Variants in CDHR4 observed in about 807,000 individuals in gnomAD.
The protein encoded by CDHR4 is cadherin-related family member 4.
A neutral mutation model predicts 88.4 loss-of-function variants in CDHR4; 89 were observed. The observed-to-expected ratio is 1.01, with a 90% confidence interval of 0.85 to 1.20. The LOEUF (loss-of-function observed/expected upper bound fraction) is 1.20, where lower values mean the gene tolerates loss of function less well. Among genes scored for constraint, CDHR4 ranks in the 50% most tolerant of loss-of-function variants. The pLI is 0.00. For missense variants in CDHR4, 914 were observed against 1,007.2 expected, an observed-to-expected ratio of 0.91 and a Z score of 1.25; for synonymous variants, 368 against 399.2, an observed-to-expected ratio of 0.92 and a Z score of 0.93.
chr3:49,795,552 A>G lies in CDHR4; in HGVS notation c.847+76T>C. 6.5e-7 allele frequency: 1 copy of G among 1,531,766 alleles called. No individual in the cohort carries two copies. Among genetic ancestry groups the G allele is most frequent in the Non-Finnish European group, 8.8e-7 (1 of 1,134,484 alleles). 94.9% of individuals were successfully genotyped at this position (1,531,766 alleles called of 1,614,324 possible). On this transcript the variant is annotated intron_variant, in intron 7 of 18. Transcript: ENST00000412678. This position sits in a 1 kb window ranked among gnomAD's most constrained non-coding sequence, Gnocchi z 5.4. ...ACCAGGCCCCCAAACAGGAAGGTGAAGAGGTACTATGGGTCACCTCTGGAC... is the reference window on the plus strand; with the variant it reads ...ACCAGGCCCCCAAACAGGAAGGTGAGGAGGTACTATGGGTCACCTCTGGAC...
chr3:49,794,795 C>A, intron 9 of CDHR4, 94 bp from the exon 10 acceptor site: 1 of 1,424,762 alleles, frequency 7.0e-7, no homozygotes, highest in South Asian at 1.3e-5. Flanking sequence ...CCACAAATAT[C>A]TTGCCTGGAT....
chr3:49,792,440 G>A, intron 15 of CDHR4, 28 bp downstream of exon 15: 1 of 1,550,742 alleles, frequency 6.4e-7, no homozygotes, highest in South Asian at 1.2e-5. Flanking sequence ...TTGGGGGCAA[G>A]TAGGGAGCAC....
At position 49,795,977 on chromosome 3, in the gene CDHR4, C is replaced by T. The variant is rs190355878; in HGVS notation, c.676G>A (p.Val226Ile). Residue 226 changes from valine to isoleucine, a missense_variant, in exon 6 of 19, where the codon GTT (valine) becomes ATT (isoleucine). Val to Ile is a conservative substitution (Grantham distance 29, BLOSUM62 3). Transcript: ENST00000412678. The surrounding 1 kb of genome is among the most constrained non-coding windows in gnomAD (Gnocchi z 5.4). ...ACCTGGCTGGAGGGAACAGGCAAAA[C>T]CTTCACTATCACCATCCCTTGGCAG... is the stretch of plus-strand genomic sequence containing the variant. ...QSCQGMVIVK[V>I]LPVPSSQVSF... 8 of 1,545,362 alleles carry T rather than the reference C, an allele frequency of 5.2e-6. No homozygotes were observed. Among genetic ancestry groups the T allele is most frequent in the East Asian group, 2.4e-5 (1 of 40,906 alleles).
upstream of CDHR4, among the ~76,000 whole-genome samples, chr3:49,802,332 C>A (rs896182652): frequency 4.6e-5 from 7 of 152,148 alleles, no homozygotes; most frequent in African/African-American, 1.7e-4. Flanking sequence ...CGCCACCACG[C>A]CCGGCTAATT....
At position 49,799,418 on chromosome 3, in the gene CDHR4, G is replaced by C; in HGVS notation, c.69C>G (p.Cys23Trp). The change falls in exon 2 of 19, where the codon TGC (cysteine) becomes TGG (tryptophan). Residue 23 changes from cysteine to tryptophan, a missense_variant. Cys to Trp is a radical substitution (Grantham distance 215). Coordinates refer to ENST00000412678, the MANE Select transcript of CDHR4 (RefSeq NM_001007540.4). ...CCTGGCTCTCAGAGACATTTATAAA[G>C]CAGGGCAGGCTGCAGAGGTCTGTGA... is the stretch of plus-strand genomic sequence containing the variant. Reference protein sequence around the residue: ...PVVSDLCSLPCFINVSESQGP... With the variant: ...PVVSDLCSLPWFINVSESQGP... The C allele has an allele frequency of 6.2e-7, 1 of 1,602,390 alleles. No individual in the cohort carries two copies. The highest frequency in any genetic ancestry group is 8.5e-7 in the Non-Finnish European group (1 of 1,174,710).
rs1266329747 is a variant in CDHR4 at position 49,793,691 on chromosome 3, A to G, written c.1515T>C (p.Tyr505=). The part of the protein sequence containing the change: ...GEVHLLGPLD[Y]EQQRLYRLTV... ...TGAGCCTGTACAGCCTCTGCTGCTC[A>G]TAGTCCAAAGGTCCCAGGAGGTGAA... is the stretch of plus-strand genomic sequence containing the variant. The change falls in exon 12 of 19, where the codon TAT becomes TAC. Residue 505 remains tyrosine (Y), a synonymous_variant. Coordinates refer to ENST00000412678, the MANE Select transcript of CDHR4 (RefSeq NM_001007540.4). 1.0e-5 allele frequency: 16 copies of G among 1,551,644 alleles called. No individual in the cohort carries two copies. The Middle Eastern group carries it at 5.0e-4, about 48-fold the overall frequency.
rs1306635065 is a variant in CDHR4 at position 49,793,849 on chromosome 3, G to C, written c.1437C>G (p.Tyr479Ter). 1 of 1,551,784 alleles carries C rather than the reference G, an allele frequency of 6.4e-7. No individual in the cohort carries two copies. Among genetic ancestry groups the C allele is most frequent in the Non-Finnish European group, 8.7e-7 (1 of 1,146,996 alleles). ...AGGTGGTAGGACCACCAGAGGTGTAGTACTCAATGTTGTCATGAGGGTAAT... is the reference window on the plus strand; with the variant it reads ...AGGTGGTAGGACCACCAGAGGTGTACTACTCAATGTTGTCATGAGGGTAAT... ...DMDYPHDNIE[Y>*]YTSGGPTTFA... The change falls in exon 11 of 19, where the codon TAC becomes TAG. Residue 479 changes from tyrosine (Y) to a stop codon, truncating the protein, a stop_gained. Transcript: ENST00000412678. LOFTEE classifies it high-confidence loss of function.
rs745509032 is a variant in CDHR4 at position 49,798,809 on chromosome 3, C to G, written c.495+17G>C. ...CACCCCCATCCTGTCACCCACCGTC[C>G]CATGTTCTGGGCTTACCTGCGCTCC... On this transcript the variant is annotated intron_variant, in intron 4 of 18. Transcript: ENST00000412678. The G allele has an allele frequency of 6.2e-7, 1 of 1,611,648 alleles. No homozygotes were observed. The highest frequency in any genetic ancestry group is 1.1e-5 in the South Asian group (1 of 90,946).
chr3:49,799,639 G>A, intron 1 of CDHR4, 125 bp downstream of exon 1: 1 of 1,131,602 alleles, frequency 8.8e-7, no homozygotes, highest in South Asian at 1.5e-5. Context: ...AGGGGTGAGG[G>A]CCAGGGGTTC....
In CDHR4 at chr3:49,799,256, A is replaced by T; in HGVS notation, c.231T>A (p.Tyr77Ter). Reference protein sequence around the residue: ...PPSLARWQGTYVGKLTLSSSA... With the variant: ...PPSLARWQGT ...GTACACATGACCCTACCTTGCCCAC[A>T]TAGGTCCCTTGCCACCTGGCCAAGC... Residue 77 changes from tyrosine (Y) to a stop codon, truncating the protein, a stop_gained, in exon 2 of 19, where the codon TAT (tyrosine) becomes TAA (stop). Coordinates refer to ENST00000412678, the MANE Select transcript of CDHR4 (RefSeq NM_001007540.4). LOFTEE classifies it high-confidence loss of function. The T allele has an allele frequency of 6.2e-7, 1 of 1,613,690 alleles. No homozygotes were observed.
Position 49,795,103 on chromosome 3 carries a change from G to A in CDHR4, c.1032-3C>T. 1 of 1,551,696 alleles carries A rather than the reference G, an allele frequency of 6.4e-7. No homozygotes were observed. Among genetic ancestry groups the A allele is most frequent in the Non-Finnish European group, 8.7e-7 (1 of 1,146,992 alleles). On this transcript the variant is annotated splice_polypyrimidine_tract_variant and splice_region_variant and intron_variant, in intron 8 of 18. Coordinates refer to ENST00000412678, the MANE Select transcript of CDHR4 (RefSeq NM_001007540.4). The surrounding 1 kb of genome is among the most constrained non-coding windows in gnomAD (Gnocchi z 5.4). ...GTGCAGTCTCCGGGATTTGGGACCT[G>A]AGAGTATGCAGTGGCAGCAAGGCAG... is the stretch of plus-strand genomic sequence containing the variant.
intron 9 of CDHR4, 114 bp downstream of exon 9, chr3:49,794,833 G>A (rs1287300041): frequency 3.4e-6 from 5 of 1,453,402 alleles, no homozygotes; most frequent in Non-Finnish European, 4.7e-6. Flanking sequence ...AACACAGGTT[G>A]GCTCGACAGC....
Position 49,797,728 on chromosome 3 carries a change from C to T in CDHR4, c.496-696G>A, listed in dbSNP as rs145380553. 1.8e-4 allele frequency among the ~76,000 whole-genome samples: 28 copies of T among 151,964 alleles called. 1 individual carries two copies. The East Asian group carries it at 3.9e-3, about 21-fold the overall frequency. On this transcript the variant is annotated intron_variant, in intron 4 of 18. Coordinates refer to ENST00000412678, the MANE Select transcript of CDHR4 (RefSeq NM_001007540.4). Reference sequence around the variant, plus strand: ...AACTCCTGACCTCCAGTGATCCACCCGCCTCGGCCTCCCAAAATGCGGGAT... The same window carrying T: ...AACTCCTGACCTCCAGTGATCCACCTGCCTCGGCCTCCCAAAATGCGGGAT...
Position 49,795,494 on chromosome 3 carries a change from G to C in CDHR4, c.848-115C>G. 6.7e-7 allele frequency: 1 copy of C among 1,483,658 alleles called. No homozygotes were observed. The allele number at this position is 1,483,658 out of a possible 1,614,324, so 91.9% of individuals were successfully genotyped here. On this transcript the variant is annotated intron_variant, in intron 7 of 18. Coordinates refer to ENST00000412678, the MANE Select transcript of CDHR4 (RefSeq NM_001007540.4). This position sits in a 1 kb window ranked among gnomAD's most constrained non-coding sequence, Gnocchi z 5.4. ...ACCAGATCCATAGGCAAAGGAGGCCGCTGAGCCTGGCCCTCCTGCTGCCTT... is the reference window on the plus strand; with the variant it reads ...ACCAGATCCATAGGCAAAGGAGGCCCCTGAGCCTGGCCCTCCTGCTGCCTT...
Position 49,799,428 on chromosome 3 carries a change from C to T in CDHR4, c.59G>A (p.Ser20Asn). 2 of 1,595,048 alleles carry T rather than the reference C, an allele frequency of 1.3e-6. No individual in the cohort carries two copies. Among genetic ancestry groups the T allele is most frequent in the South Asian group, 1.1e-5 (1 of 88,368 alleles). The change falls in exon 2 of 19, where the codon AGC becomes AAC. Residue 20 changes from serine to asparagine, a missense_variant. Ser to Asn is a conservative substitution (Grantham distance 46). Coordinates refer to ENST00000412678, the MANE Select transcript of CDHR4 (RefSeq NM_001007540.4). The part of the protein sequence containing the change: ...LFAPVVSDLC[S>N]LPCFINVSES... ...AGAGACATTTATAAAGCAGGGCAGGCTGCAGAGGTCTGTGAAGAGCAGAGA... is the reference window on the plus strand; with the variant it reads ...AGAGACATTTATAAAGCAGGGCAGGTTGCAGAGGTCTGTGAAGAGCAGAGA...
chr3:49,802,176 CCTTT>C (rs759816524), upstream of CDHR4, among the ~76,000 whole-genome samples: 8 of 144,302 alleles, frequency 5.5e-5, no homozygotes, highest in Non-Finnish European at 7.7e-5. Flanking sequence ...GCTTCTTCTT[CCTTT>C]CTTTTTTTTT....
At chr3:49,800,517 T>C (rs2081346260), upstream of CDHR4, among the ~76,000 whole-genome samples, 1 of 149,758 alleles carries the variant, frequency 6.7e-6, no homozygotes. Flanking sequence ...AGACCCTGTC[T>C]CAAAAAAAAA....
Position 49,792,906 on chromosome 3 carries a change from T to C in CDHR4, c.1943A>G (p.His648Arg). 1.3e-6 allele frequency: 2 copies of C among 1,550,872 alleles called. No individual in the cohort carries two copies. Among genetic ancestry groups the C allele is most frequent in the Non-Finnish European group, 1.7e-6 (2 of 1,146,382 alleles). The change falls in exon 14 of 19, where the codon CAT (histidine) becomes CGT (arginine). Residue 648 changes from histidine (H) to arginine (R), a missense_variant. Physicochemically the swap from His to Arg is conservative, Grantham distance 29. Transcript: ENST00000412678. ...HLSTTATIIV[H>R]LVPRRASTVA... ...TGTGCTGGCCCTCCGGGGAACTAGA[T>C]GCACAATAATGGTGGCTGTGGTGCT... is the stretch of plus-strand genomic sequence containing the variant.
chr3:49,792,676 C>A (rs977222801), intron 14 of CDHR4, 66 bp from the exon 15 acceptor site: 3 of 1,538,596 alleles, frequency 1.9e-6, no homozygotes, highest in Non-Finnish European at 2.6e-6. Flanking sequence ...GCCTTCCAAC[C>A]CTTCCCCGGG....
Sources: gnomAD v4.1 joint callset for allele counts (sites outside exome capture counted in the v4.1 genomes callset) on GRCh38, gnomAD v4.1.1 for gene constraint, Gnocchi (gnomAD v3.1) non-coding constraint, MANE v1.5 for transcripts, NCBI Gene and HGNC (gene_info 2026-07-23, HGNC 2026-07-21) for gene names.